The following CBFA2T3 variants were observed in gnomAD, a reference collection of about 807,000 sequenced individuals.
CBFA2T3 encodes CBFA2/RUNX1 partner transcriptional co-repressor 3.
A neutral mutation model predicts 58.6 loss-of-function variants in CBFA2T3; 31 were observed. That is an observed-to-expected ratio of 0.53 (90% CI 0.40 to 0.71). The LOEUF (loss-of-function observed/expected upper bound fraction) is 0.71. Ranked by LOEUF, CBFA2T3 falls within the 30% of genes least tolerant of loss-of-function variation. The probability of loss-of-function intolerance (pLI) is 0.00; values close to 1 mark genes in which losing one functional copy is unlikely to be tolerated. For synonymous variants in CBFA2T3, 531 were observed against 421.9 expected (o/e 1.26, Z -3.17); for missense variants, 1,076 against 963.1 (o/e 1.12, Z -1.55).
At chr16:88,893,423 C>T (rs1969733214) in intron 3 of CBFA2T3, among the ~76,000 whole-genome samples, 1 of 152,116 alleles carries the variant, frequency 6.6e-6, no homozygotes, top group South Asian at 2.1e-4. Flanking sequence ...CAGGTGACTC[C>T]CAGCCATGAG....
chr16:88,925,687 CAGG>C (rs1202072977), intron 1 of CBFA2T3, among the ~76,000 whole-genome samples: 2 of 152,178 alleles, frequency 1.3e-5, no homozygotes, highest in East Asian at 3.9e-4. Context: ...CTAGTTTCTT[CAGG>C]GGCCGTCCCT....
chr16:88,880,661 G>A lies in CBFA2T3; in HGVS notation c.1471+59C>T, dbSNP rs561407314. ...CTTCAAAGCTGAGCCGGTGAGAGGC[G>A]CATCTGGGGCCCTGGCCTCCCACAG... On this transcript the variant is annotated intron_variant, in intron 10 of 11. Coordinates refer to ENST00000268679, the MANE Select transcript of CBFA2T3 (RefSeq NM_005187.6). 1.1e-5 allele frequency: 15 copies of A among 1,382,350 alleles called. No homozygotes were observed. The East Asian group carries it at 2.0e-4, about 18-fold the overall frequency. The allele number at this position is 1,382,350 out of a possible 1,614,324, so 85.6% of individuals were successfully genotyped here.
At chr16:88,949,573 A>AC (rs1334751815) in intron 1 of CBFA2T3, among the ~76,000 whole-genome samples, 15 of 151,450 alleles carry the variant, frequency 9.9e-5, no homozygotes, top group African/African-American at 3.6e-4. Flanking sequence ...AAAAAAAAAA[A>AC]GAAAAAGAAA....
At chr16:88,941,044 C>T (rs1480437381) in intron 1 of CBFA2T3, 7 of 985,608 alleles carry the variant, frequency 7.1e-6, no homozygotes, top group Non-Finnish European at 8.4e-6. Context: ...GGGGATCCGG[C>T]GGGCGGCGGA....
At chr16:88,946,451 A>G (rs1160525203) in intron 1 of CBFA2T3, among the ~76,000 whole-genome samples, 1 of 152,160 alleles carries the variant, frequency 6.6e-6, no homozygotes, top group African/African-American at 2.4e-5. Context: ...AGGGGGTTAT[A>G]GAATAGGGAA....
chr16:88,933,082 C>G (rs953486362), intron 1 of CBFA2T3, among the ~76,000 whole-genome samples: 1 of 152,240 alleles, frequency 6.6e-6, no homozygotes, highest in Non-Finnish European at 1.5e-5. Flanking sequence ...TGATGGAAGT[C>G]CGCACGCCCA....
At chr16:88,921,462 G>A (rs923294899) in intron 1 of CBFA2T3, among the ~76,000 whole-genome samples, 11 of 152,196 alleles carry the variant, frequency 7.2e-5, no homozygotes, top group African/African-American at 1.7e-4. Flanking sequence ...GTGGCCAGCC[G>A]GGATTTCCCG....
intron 10 of CBFA2T3, 141 bp from the exon 11 acceptor site, chr16:88,879,601 G>A (rs901140596): frequency 4.2e-6 from 3 of 712,768 alleles, no homozygotes; most frequent in Admixed American, 5.2e-5. Context: ...AAAGGCACAT[G>A]TTGATGGGGC....
rs568247609 is a variant in CBFA2T3 at position 88,907,146 on chromosome 16, C to G, written c.152-5490G>C. Among the ~76,000 whole-genome samples, 5 of 152,336 alleles carry G rather than the reference C, an allele frequency of 3.3e-5. No individual in the cohort carries two copies. In the South Asian group the frequency reaches 1.0e-3, roughly 32 times the overall value. On this transcript the variant is annotated intron_variant, in intron 1 of 11. Coordinates refer to ENST00000268679, the MANE Select transcript of CBFA2T3 (RefSeq NM_005187.6). ...ACTCTACATCAGCTGCAAGGGGACC[C>G]CGGTCCCCGAGGACACCCACATGTA...
In CBFA2T3 at chr16:88,901,505, T is replaced by A. The variant is rs770788691; in HGVS notation, c.303A>T (p.Thr101=). 6.8e-7 allele frequency: 1 copy of A among 1,460,054 alleles called. No individual in the cohort carries two copies. Among genetic ancestry groups the A allele is most frequent in the East Asian group, 2.7e-5 (1 of 36,380 alleles). 90.4% of individuals were successfully genotyped at this position (1,460,054 alleles called of 1,614,324 possible). ...GGCTGCCAGGTGGGGGCTACTTACGTGTGTGTGGCGTGAAGGAGGGGGGGC... is the reference window on the plus strand; with the variant it reads ...GGCTGCCAGGTGGGGGCTACTTACGAGTGTGTGGCGTGAAGGAGGGGGGGC... ...ATRPPSFTPH[T]HREDGPATLP... Residue 101 remains threonine (T), a splice_region_variant and synonymous_variant, in exon 2 of 12, where the codon ACA becomes ACT. Coordinates refer to ENST00000268679, the MANE Select transcript of CBFA2T3 (RefSeq NM_005187.6).
intron 1 of CBFA2T3, among the ~76,000 whole-genome samples, chr16:88,970,407 G>A (rs1012185873): frequency 3.9e-5 from 6 of 152,308 alleles, no homozygotes; most frequent in African/African-American, 1.4e-4. Flanking sequence ...CCTGAGATGC[G>A]ACCTCAGCTG....
At chr16:88,954,767 ACTCCTGACCCCACCCAAGG>A (rs1972175033) in intron 1 of CBFA2T3, among the ~76,000 whole-genome samples, 6 of 3,742 alleles carry the variant, frequency 1.6e-3, no homozygotes, top group Non-Finnish European at 2.5e-3. Flanking sequence ...CTCAGCCAAG[ACTCCTGACCCCACCCAAGG>A]CTCCTGACCC....
At position 88,875,945 on chromosome 16, in the gene CBFA2T3, A is replaced by C. The variant is rs1355139217; in HGVS notation, c.*1031T>G. 4.3e-6 allele frequency: 1 copy of C among 233,186 alleles called. No homozygotes were observed. Among genetic ancestry groups the C allele is most frequent in the Non-Finnish European group, 8.5e-6 (1 of 117,940 alleles). 14.4% of individuals were successfully genotyped at this position (233,186 alleles called of 1,614,324 possible). On this transcript the variant is annotated 3_prime_UTR_variant, in exon 12 of 12. Coordinates refer to ENST00000268679, the MANE Select transcript of CBFA2T3 (RefSeq NM_005187.6). ...CGGACCACGCACACGCGGCGGACGC[A>C]CCAACGCCTACGCAGAAGAGAACAA...
At position 88,901,521 on chromosome 16, in the gene CBFA2T3, G is replaced by T; in HGVS notation, c.287C>A (p.Ser96Tyr). ...CTACTTACGTGTGTGTGGCGTGAAG[G>T]AGGGGGGGCGTGTGGCCCCCTGGGA... is the stretch of plus-strand genomic sequence containing the variant. Reference protein sequence around the residue: ...AASQGATRPPSFTPHTHREDG... With the variant: ...AASQGATRPPYFTPHTHREDG... The change falls in exon 2 of 12, where the codon TCC becomes TAC. Residue 96 changes from serine (S) to tyrosine (Y), a missense_variant. Ser to Tyr is a moderately radical substitution (Grantham distance 144). Coordinates refer to ENST00000268679, the MANE Select transcript of CBFA2T3 (RefSeq NM_005187.6). 1 of 1,476,220 alleles carries T rather than the reference G, an allele frequency of 6.8e-7. No individual in the cohort carries two copies. Among genetic ancestry groups the T allele is most frequent in the Non-Finnish European group, 8.9e-7 (1 of 1,117,348 alleles). 91.4% of individuals were successfully genotyped at this position (1,476,220 alleles called of 1,614,324 possible).
chr16:88,900,233 C>A (rs1054112226), intron 2 of CBFA2T3, among the ~76,000 whole-genome samples: 5 of 152,376 alleles, frequency 3.3e-5, no homozygotes, highest in Admixed American at 2.0e-4. Context: ...CCAGCTGTAC[C>A]TGCCTCTGGG....
At chr16:88,928,370 CACA>C (rs1249835732) in intron 1 of CBFA2T3, among the ~76,000 whole-genome samples, 1 of 152,218 alleles carries the variant, frequency 6.6e-6, no homozygotes, top group Non-Finnish European at 1.5e-5. Context: ...GTGAGGGAGT[CACA>C]ACGCCAGGTC....
In CBFA2T3 at chr16:88,977,000, G is replaced by C; in HGVS notation, c.-193C>G. 8.7e-6 allele frequency: 5 copies of C among 574,378 alleles called. No individual in the cohort carries two copies. The highest frequency in any genetic ancestry group is 1.5e-5 in the Non-Finnish European group (5 of 337,400). The allele number at this position is 574,378 out of a possible 1,614,324, so 35.6% of individuals were successfully genotyped here. On this transcript the variant is annotated 5_prime_UTR_variant, in exon 1 of 12. Transcript: ENST00000268679. ...ACTGGGTGTCCTCTGCCCTGGGGAG[G>C]GGGTGGGAGCCCTGGGGCTCATGTG... is the stretch of plus-strand genomic sequence containing the variant.
chr16:88,924,322 C>T (rs1397093097), intron 1 of CBFA2T3, among the ~76,000 whole-genome samples: 1 of 152,240 alleles, frequency 6.6e-6, no homozygotes, highest in South Asian at 2.1e-4. Context: ...CCGCTCCAGT[C>T]GCCCTGCACA....
At chr16:88,947,907 C>T (rs1360041566) in intron 1 of CBFA2T3, among the ~76,000 whole-genome samples, 1 of 152,146 alleles carries the variant, frequency 6.6e-6, no homozygotes, top group Admixed American at 6.5e-5. Flanking sequence ...GAACGAGACC[C>T]TGTCTCAAAA....
Sources: gnomAD v4.1 joint callset for allele counts (sites outside exome capture counted in the v4.1 genomes callset) on GRCh38, gnomAD v4.1.1 for gene constraint, MANE v1.5 for transcripts, NCBI Gene and HGNC (gene_info 2026-07-23, HGNC 2026-07-21) for gene names.